Variants in HEMK2 observed in about 807,000 individuals in gnomAD.
The protein encoded by HEMK2 is HemK methyltransferase 2, ETF1 glutamine and histone H4 lysine.
the HEMK2 span, among the ~76,000 whole-genome samples, chr21:28,662,545 T>C: frequency 2.0e-5 from 3 of 152,126 alleles, no homozygotes; most frequent in South Asian, 2.1e-4. Context: ...CCAAATCTCA[T>C]CTTGAATTGT....
the HEMK2 span, among the ~76,000 whole-genome samples, chr21:28,599,243 C>T: frequency 1.3e-4 from 20 of 152,272 alleles, no homozygotes; most frequent in South Asian, 2.1e-4. Context: ...TTTCATGCTG[C>T]TGATAAAGAC....
the HEMK2 span, among the ~76,000 whole-genome samples, chr21:28,812,776 T>C: frequency 1.3e-5 from 2 of 152,224 alleles, no homozygotes; most frequent in African/African-American, 4.8e-5. Flanking sequence ...GAGCTTTTTT[T>C]AGTTGGTAGG....
chr21:28,860,194 A>G, the HEMK2 span, among the ~76,000 whole-genome samples: 38 of 152,224 alleles, frequency 2.5e-4, no homozygotes, highest in South Asian at 7.9e-3. Flanking sequence ...CCCACCCTTA[A>G]TCTGGGTGGG....
the HEMK2 span, among the ~76,000 whole-genome samples, chr21:28,771,293 A>G: frequency 6.6e-6 from 1 of 152,220 alleles, no homozygotes; most frequent in East Asian, 1.9e-4. Flanking sequence ...GTTACGATTC[A>G]GGGAGAGATG....
chr21:28,879,784 G>T, the HEMK2 span: 3 of 979,950 alleles, frequency 3.1e-6, no homozygotes, highest in South Asian at 2.0e-5. Context: ...AGCAGCAGCT[G>T]ACTGATGTCA....
At chr21:28,839,951 A>C in the HEMK2 span, among the ~76,000 whole-genome samples, 4 of 152,200 alleles carry the variant, frequency 2.6e-5, no homozygotes, top group Non-Finnish European at 5.9e-5. Flanking sequence ...GCATCACACT[A>C]TCTGATTTCA....
the HEMK2 span, among the ~76,000 whole-genome samples, chr21:28,588,376 T>C: frequency 5.1e-4 from 78 of 152,266 alleles, no homozygotes; most frequent in Non-Finnish European, 9.4e-4. Flanking sequence ...GTTTATTCCA[T>C]AACAGCTACA....
the HEMK2 span, among the ~76,000 whole-genome samples, chr21:28,842,338 CTTTCT>C: frequency 2.6e-5 from 4 of 152,114 alleles, no homozygotes; most frequent in East Asian, 5.8e-4. Flanking sequence ...TGAGATAATT[CTTTCT>C]TGTCTTATTT....
chr21:28,880,479 C>A, the HEMK2 span, among the ~76,000 whole-genome samples: 1 of 152,110 alleles, frequency 6.6e-6, no homozygotes, highest in Admixed American at 6.5e-5. Flanking sequence ...TGCCTGTAAT[C>A]CCAGCACTTT....
the HEMK2 span, among the ~76,000 whole-genome samples, chr21:28,780,888 T>A: frequency 1.3e-5 from 2 of 152,196 alleles, no homozygotes; most frequent in Admixed American, 1.3e-4. Context: ...CCTTGGTGAC[T>A]ATGATGTCAC....
chr21:28,724,720 T>C, the HEMK2 span, among the ~76,000 whole-genome samples: 1 of 150,698 alleles, frequency 6.6e-6, no homozygotes, highest in Non-Finnish European at 1.5e-5. Context: ...TGCCTCTGCA[T>C]TTGCTTTCTG....
At chr21:28,741,231 T>C in the HEMK2 span, among the ~76,000 whole-genome samples, 3 of 152,146 alleles carry the variant, frequency 2.0e-5, no homozygotes, top group African/African-American at 7.2e-5. Flanking sequence ...CACAAGTCAG[T>C]TTCCTAACCC....
the HEMK2 span, among the ~76,000 whole-genome samples, chr21:28,586,250 T>G: frequency 1.3e-5 from 2 of 152,226 alleles, no homozygotes; most frequent in African/African-American, 4.8e-5. Context: ...GCTAAAATTT[T>G]CTATCACAGT....
the HEMK2 span, among the ~76,000 whole-genome samples, chr21:28,625,644 G>C: frequency 0.35 from 53,461 of 151,824 alleles, 9,532 homozygotes; most frequent in South Asian, 0.4. Context: ...CCAGGAGGTG[G>C]AGGTTGCAGT....
the HEMK2 span, among the ~76,000 whole-genome samples, chr21:28,603,323 A>G: frequency 3.3e-5 from 5 of 152,312 alleles, no homozygotes; most frequent in Non-Finnish European, 7.4e-5. Flanking sequence ...ATTTTCAGGC[A>G]TTGCCCATAG....
chr21:28,708,262 T>C, the HEMK2 span, among the ~76,000 whole-genome samples: 1 of 152,310 alleles, frequency 6.6e-6, no homozygotes, highest in African/African-American at 2.4e-5. Flanking sequence ...AACTTACATG[T>C]GGAAACTTAA....
the HEMK2 span, among the ~76,000 whole-genome samples, chr21:28,838,259 G>A: frequency 6.6e-6 from 1 of 152,156 alleles, no homozygotes; most frequent in Non-Finnish European, 1.5e-5. Context: ...TACAGGACGG[G>A]TGCGGTGGCT....
chr21:28,864,441 G>A, the HEMK2 span, among the ~76,000 whole-genome samples: 2 of 152,058 alleles, frequency 1.3e-5, no homozygotes, highest in African/African-American at 4.8e-5. Context: ...AAAGAGCATT[G>A]CACCAGCTTA....
the HEMK2 span, among the ~76,000 whole-genome samples, chr21:28,744,569 G>A: frequency 6.6e-6 from 1 of 152,160 alleles, no homozygotes; most frequent in Admixed American, 6.5e-5. Flanking sequence ...CTGTTTCATA[G>A]TAGCAAAGGA....
Sources: allele counts gnomAD v4.1 joint callset (sites outside exome capture counted in the v4.1 genomes callset), GRCh38; gene constraint gnomAD v4.1.1; transcripts MANE v1.5; gene names NCBI Gene and HGNC (gene_info 2026-07-23, HGNC 2026-07-21).